The following TASP1 variants were observed in gnomAD, a reference collection of about 807,000 sequenced individuals.
The protein encoded by TASP1 is threonine aspartase 1.
A neutral mutation model predicts 56.6 loss-of-function variants in TASP1; 16 were observed. The ratio of observed to expected loss-of-function variants is 0.28; its 90% CI spans 0.19 to 0.43. The LOEUF is 0.43. TASP1 is among the 20% of genes least tolerant of loss of function. The probability of loss-of-function intolerance (pLI) is 1.00; values close to 1 mark genes in which losing one functional copy is unlikely to be tolerated. For synonymous variants in TASP1, 179 were observed against 184.2 expected (o/e 0.97, Z 0.23); for missense variants, 393 against 511.6 (o/e 0.77, Z 2.24).
At chr20:13,205,833 G>A in the TASP1 span, among the ~76,000 whole-genome samples, 1 of 152,216 alleles carries the variant, frequency 6.6e-6, no homozygotes, top group African/African-American at 2.4e-5. Flanking sequence ...GTGCCAATGA[G>A]CAGGTCAGCT....
chr20:13,472,356 T>C (rs1233208175), intron 11 of TASP1, among the ~76,000 whole-genome samples: 1 of 151,020 alleles, frequency 6.6e-6, no homozygotes, highest in Non-Finnish European at 1.5e-5. Flanking sequence ...AAGACTTAAA[T>C]GTTAGACCTG....
chr20:13,636,361 TG>T (rs2049310402), intron 1 of TASP1, among the ~76,000 whole-genome samples: 1 of 150,596 alleles, frequency 6.6e-6, no homozygotes, highest in Non-Finnish European at 1.5e-5. Context: ...GGTTTCACTA[TG>T]TTGGTCAGGC....
chr20:13,126,576 C>G, the TASP1 span: 1 of 1,612,402 alleles, frequency 6.2e-7, no homozygotes, highest in Non-Finnish European at 8.5e-7. Context: ...TTTGGGTTTC[C>G]CCTCTTTATT....
At chr20:13,551,604 T>C (rs2045984671) in intron 8 of TASP1, among the ~76,000 whole-genome samples, 1 of 152,208 alleles carries the variant, frequency 6.6e-6, no homozygotes, top group African/African-American at 2.4e-5. Flanking sequence ...ATCTAGATTA[T>C]GCCATGCATT....
chr20:13,262,281 C>T, the TASP1 span, among the ~76,000 whole-genome samples: 1 of 152,136 alleles, frequency 6.6e-6, no homozygotes, highest in African/African-American at 2.4e-5. Context: ...CCTTTATAGC[C>T]CTGAGCTGGT....
chr20:13,605,099 T>C (rs984541473), intron 4 of TASP1, among the ~76,000 whole-genome samples: 4 of 151,730 alleles, frequency 2.6e-5, no homozygotes, highest in Non-Finnish European at 2.9e-5. Context: ...TCACAAGTTC[T>C]ATAATTCTAT....
At chr20:13,417,324 T>TA (rs1387893924) in intron 13 of TASP1, 124 bp downstream of exon 13, 1 of 838,500 alleles carries the variant, frequency 1.2e-6, no homozygotes, top group Non-Finnish European at 1.9e-6. Context: ...TTCGGATGCT[T>TA]ATGAAGACCA....
intron 8 of TASP1, among the ~76,000 whole-genome samples, chr20:13,534,583 T>C (rs939369114): frequency 6.6e-6 from 1 of 152,164 alleles, no homozygotes; most frequent in African/African-American, 2.4e-5. Context: ...CTAATAGAAA[T>C]ACATTCCACA....
chr20:13,139,464 G>C, the TASP1 span, among the ~76,000 whole-genome samples: 1 of 152,306 alleles, frequency 6.6e-6, no homozygotes, highest in South Asian at 2.1e-4. Context: ...CAAGAACCCA[G>C]CCTCCTTCCA....
the TASP1 span, among the ~76,000 whole-genome samples, chr20:13,375,258 G>A: frequency 1.5e-5 from 2 of 135,672 alleles, no homozygotes; most frequent in African/African-American, 5.7e-5. Context: ...AACAGGCTCT[G>A]GTATGTGATG....
intron 11 of TASP1, among the ~76,000 whole-genome samples, chr20:13,448,882 A>G (rs1258243720): frequency 1.3e-5 from 2 of 151,072 alleles, no homozygotes; most frequent in Non-Finnish European, 2.9e-5. Flanking sequence ...AAACAAACCA[A>G]CCAACAAACA....
intron 1 of TASP1, among the ~76,000 whole-genome samples, chr20:13,638,517 AC>A (rs1415243204): frequency 6.6e-6 from 1 of 151,748 alleles, no homozygotes; most frequent in Non-Finnish European, 1.5e-5. Flanking sequence ...CCAACCCGCC[AC>A]CCAGGACAAG....
At chr20:13,175,206 CT>C in the TASP1 span, among the ~76,000 whole-genome samples, 1 of 152,148 alleles carries the variant, frequency 6.6e-6, no homozygotes. Context: ...TACTTAAGAA[CT>C]TTAGTTTCTG....
the TASP1 span, among the ~76,000 whole-genome samples, chr20:13,276,925 T>G: frequency 6.6e-6 from 1 of 152,214 alleles, no homozygotes; most frequent in Non-Finnish European, 1.5e-5. Context: ...CTTTGTTAAC[T>G]GTAGGGAAGG....
chr20:13,298,857 C>G, the TASP1 span: 1 of 1,401,414 alleles, frequency 7.1e-7, no homozygotes, highest in Non-Finnish European at 9.8e-7. Flanking sequence ...CCCTCAGGAG[C>G]AGCCTGGTGT....
the TASP1 span, among the ~76,000 whole-genome samples, chr20:13,186,317 G>T: frequency 2.6e-5 from 4 of 152,128 alleles, no homozygotes; most frequent in Admixed American, 2.6e-4. Flanking sequence ...GAAAAATGTT[G>T]CCAGAGCCGT....
the TASP1 span, among the ~76,000 whole-genome samples, chr20:13,349,153 T>C: frequency 6.6e-6 from 1 of 152,226 alleles, no homozygotes; most frequent in Non-Finnish European, 1.5e-5. Flanking sequence ...GACAGAAATG[T>C]CAGCTCCCTT....
At chr20:13,262,276 A>G in the TASP1 span, among the ~76,000 whole-genome samples, 24,324 of 152,156 alleles carry the variant, frequency 0.16, 2,071 homozygotes, top group Admixed American at 0.18. Flanking sequence ...CCTGGCCTTT[A>G]TAGCCCTGAG....
the TASP1 span, chr20:13,270,749 T>A: frequency 6.2e-7 from 1 of 1,612,514 alleles, no homozygotes; most frequent in Non-Finnish European, 8.5e-7. Context: ...TCCAGGTAAT[T>A]CTTGGCACCT....
Sources: gnomAD v4.1 joint callset for allele counts (sites outside exome capture counted in the v4.1 genomes callset) on GRCh38, gnomAD v4.1.1 for gene constraint, MANE v1.5 for transcripts, NCBI Gene and HGNC (gene_info 2026-07-23, HGNC 2026-07-21) for gene names.